ZNF385D: variants seen among roughly 807,000 people sequenced by gnomAD.
The protein encoded by ZNF385D is zinc finger protein 385D.
Under a neutral mutation model 35.8 loss-of-function variants are expected in ZNF385D, and 15 were observed. The observed-to-expected ratio is 0.42, with a 90% CI of 0.28 to 0.64. The LOEUF is 0.64. Ranked by LOEUF, ZNF385D falls within the 30% of genes least tolerant of loss-of-function variation. The pLI is 0.23. For missense variants in ZNF385D, 474 were observed against 494.6 expected, an observed-to-expected ratio of 0.96 and a Z score of 0.39; for synonymous variants, 212 against 186.8, an observed-to-expected ratio of 1.13 and a Z score of -1.10.
At chr3:22,165,687 T>C (rs1706267440) in intron 3 of ZNF385D, among the ~76,000 whole-genome samples, 2 of 152,210 alleles carry the variant, frequency 1.3e-5, no homozygotes, top group Non-Finnish European at 2.9e-5. Flanking sequence ...TTTACACCAT[T>C]ATTTCCATCT....
At chr3:22,165,036 A>C (rs1706222463) in intron 3 of ZNF385D, among the ~76,000 whole-genome samples, 2 of 152,178 alleles carry the variant, frequency 1.3e-5, no homozygotes, top group African/African-American at 2.4e-5. Context: ...AGCACAGAGG[A>C]CTTTTAGGGC....
chr3:22,107,913 G>A (rs1702309539), intron 3 of ZNF385D, among the ~76,000 whole-genome samples: 1 of 151,902 alleles, frequency 6.6e-6, no homozygotes, highest in Non-Finnish European at 1.5e-5. Context: ...CATAATAGGT[G>A]ATTAGGCCGT....
At chr3:22,083,387 A>C (rs2125587261) in intron 3 of ZNF385D, among the ~76,000 whole-genome samples, 1 of 152,300 alleles carries the variant, frequency 6.6e-6, no homozygotes, top group East Asian at 1.9e-4. Context: ...GAAGACCTTA[A>C]ATGACCTGAT....
intron 4 of ZNF385D, among the ~76,000 whole-genome samples, chr3:21,453,737 T>C (rs912441226): frequency 7.9e-5 from 12 of 151,942 alleles, no homozygotes; most frequent in African/African-American, 2.2e-4. Context: ...TGCAGAGAAA[T>C]TGAAATCTTT....
At chr3:21,603,754 T>C (rs1575300123) in intron 2 of ZNF385D, among the ~76,000 whole-genome samples, 1 of 152,038 alleles carries the variant, frequency 6.6e-6, no homozygotes, top group Admixed American at 6.6e-5. Flanking sequence ...GATGGAAAGG[T>C]GGTGGGAGTC....
At chr3:21,859,752 A>G (rs773261581) in intron 3 of ZNF385D, among the ~76,000 whole-genome samples, 2 of 151,052 alleles carry the variant, frequency 1.3e-5, no homozygotes, top group African/African-American at 2.4e-5. Flanking sequence ...TTTAATCCTT[A>G]TGTTAATTAT....
intron 2 of ZNF385D, among the ~76,000 whole-genome samples, chr3:22,298,775 T>TA (rs1035635685): frequency 1.3e-4 from 19 of 151,402 alleles, no homozygotes; most frequent in African/African-American, 4.1e-4. Context: ...ATTAAAATGA[T>TA]AAAAAACACT....
At chr3:22,348,215 C>T (rs1695747591) in intron 2 of ZNF385D, among the ~76,000 whole-genome samples, 4 of 151,812 alleles carry the variant, frequency 2.6e-5, no homozygotes, top group Admixed American at 2.6e-4. Context: ...CTTATGCACC[C>T]CTCCAAAAAA....
chr3:21,474,034 T>C (rs1465996686), intron 4 of ZNF385D, among the ~76,000 whole-genome samples: 2 of 151,434 alleles, frequency 1.3e-5, no homozygotes, highest in Non-Finnish European at 2.9e-5. Context: ...ATATGTATCT[T>C]ATATATTATA....
chr3:22,315,720 G>C (rs1703850506), intron 2 of ZNF385D, among the ~76,000 whole-genome samples: 1 of 152,174 alleles, frequency 6.6e-6, no homozygotes, highest in Admixed American at 6.5e-5. Context: ...CTCACAGGCT[G>C]GCTGTTCTCA....
intron 3 of ZNF385D, among the ~76,000 whole-genome samples, chr3:21,865,802 T>C (rs185019607): frequency 2.3e-3 from 347 of 152,272 alleles, no homozygotes; most frequent in South Asian, 8.9e-3. Flanking sequence ...ATCTAGTTAC[T>C]ATATTCAAAT....
Position 21,838,372 on chromosome 3 carries a change from T to A in ZNF385D, c.326-173344A>T, listed in dbSNP as rs192594787. 3.3e-5 allele frequency among the ~76,000 whole-genome samples: 5 copies of A among 152,226 alleles called. No homozygotes were observed. In the East Asian group the frequency reaches 9.7e-4, roughly 29 times the overall value. The stretch of plus-strand genomic sequence containing the variant: ...GTATATATGCTAAAAACAAAGGTGA[T>A]GGTCAGTCAGAATCTTGTTTGTGAA... On this transcript the variant is annotated intron_variant, in intron 3 of 5. Coordinates refer to the ZNF385D transcript ENST00000494108.
chr3:21,865,348 C>A (rs1022100234), intron 3 of ZNF385D, among the ~76,000 whole-genome samples: 6 of 151,806 alleles, frequency 4.0e-5, no homozygotes, highest in African/African-American at 7.3e-5. Context: ...ACAGGTCTGA[C>A]TGAAGTTTGC....
chr3:22,313,444 T>A (rs1372350565), intron 2 of ZNF385D, among the ~76,000 whole-genome samples: 1 of 152,000 alleles, frequency 6.6e-6, no homozygotes, highest in Non-Finnish European at 1.5e-5. Flanking sequence ...TTTAAAAAAA[T>A]ACAACATGGA....
chr3:21,862,712 G>C (rs1249819079), intron 3 of ZNF385D, among the ~76,000 whole-genome samples: 1 of 152,156 alleles, frequency 6.6e-6, no homozygotes, highest in African/African-American at 2.4e-5. Context: ...CAGGCCAGCA[G>C]CTAGCTGTGC....
At chr3:22,105,115 A>C (rs1416142886) in intron 3 of ZNF385D, among the ~76,000 whole-genome samples, 2 of 152,150 alleles carry the variant, frequency 1.3e-5, no homozygotes, top group African/African-American at 4.8e-5. Flanking sequence ...TCACTTTTAC[A>C]GTCTAATGTA....
chr3:21,627,777 G>A lies in ZNF385D; in HGVS notation c.165+37109C>T, dbSNP rs368713425. 2.0e-5 allele frequency among the ~76,000 whole-genome samples: 3 copies of A among 152,156 alleles called. No individual in the cohort carries two copies. In the East Asian group the frequency reaches 5.8e-4, roughly 29 times the overall value. ...CAGGAATTATCTACTGTTCTGGAGT[G>A]GAAGGAAATTTTCTATTAAAGTTCA... is the stretch of plus-strand genomic sequence containing the variant. On this transcript the variant is annotated intron_variant, in intron 2 of 7. Coordinates refer to ENST00000281523, the MANE Select transcript of ZNF385D (RefSeq NM_024697.3).
intron 3 of ZNF385D, among the ~76,000 whole-genome samples, chr3:22,130,796 G>C (rs1559392751): frequency 6.6e-6 from 1 of 151,976 alleles, no homozygotes; most frequent in Non-Finnish European, 1.5e-5. Context: ...CCAGATTTTT[G>C]GTTCTTATGA....
intron 2 of ZNF385D, among the ~76,000 whole-genome samples, chr3:22,362,438 T>C (rs1334163562): frequency 6.6e-6 from 1 of 152,098 alleles, no homozygotes; most frequent in East Asian, 1.9e-4. Context: ...GAAAGCAATT[T>C]TCTAAGGTCA....
Sources: gnomAD v4.1 joint callset for allele counts (sites outside exome capture counted in the v4.1 genomes callset) on GRCh38, gnomAD v4.1.1 for gene constraint, MANE v1.5 for transcripts, NCBI Gene and HGNC (gene_info 2026-07-23, HGNC 2026-07-21) for gene names.